Variants in AKAP13 observed in about 807,000 individuals in gnomAD.
AKAP13 encodes the protein A-kinase anchoring protein 13, also known as A-kinase anchor protein 13.
A neutral mutation model predicts 264.5 loss-of-function variants in AKAP13; 80 were observed. The ratio of observed to expected loss-of-function variants is 0.30; its 90% CI spans 0.25 to 0.36. The LOEUF (loss-of-function observed/expected upper bound fraction) is 0.36, where lower values mean the gene tolerates loss of function less well. AKAP13 is among the 10% of genes least tolerant of loss of function. The probability of loss-of-function intolerance (pLI) is 1.00; values close to 1 mark genes in which losing one functional copy is unlikely to be tolerated. For missense variants in AKAP13, 3,712 were observed against 3,435.2 expected, an observed-to-expected ratio of 1.08 and a Z score of -2.01; for synonymous variants, 1,380 against 1,250.2, an observed-to-expected ratio of 1.10 and a Z score of -2.19.
chr15:85,531,458 T>C (rs1350676790), intron 3 of AKAP13, among the ~76,000 whole-genome samples: 2 of 152,132 alleles, frequency 1.3e-5, no homozygotes, highest in African/African-American at 4.8e-5. Flanking sequence ...CAAAACTGAG[T>C]CAGATGTTAG....
intron 1 of AKAP13, among the ~76,000 whole-genome samples, chr15:85,440,489 A>C (rs899094094): frequency 2.0e-5 from 3 of 152,166 alleles, no homozygotes; most frequent in Non-Finnish European, 4.4e-5. Flanking sequence ...GCAAAATCTT[A>C]AACAGGCCGA....
chr15:85,389,220 C>T (rs760023922), intron 1 of AKAP13, among the ~76,000 whole-genome samples: 1 of 152,110 alleles, frequency 6.6e-6, no homozygotes, highest in Non-Finnish European at 1.5e-5. Flanking sequence ...CTTTTTCATA[C>T]AGCTCCCTCC....
intron 2 of AKAP13, among the ~76,000 whole-genome samples, chr15:85,498,197 G>GATATATATATATATATATTAT (rs1491342478): frequency 3.3e-5 from 1 of 30,048 alleles, no homozygotes; most frequent in East Asian, 6.3e-4. Context: ...TAAATGAAGT[G>GATATATATATATATATATTAT]AGATATATAT....
Position 85,522,063 on chromosome 15 carries a change from A to G in AKAP13, c.181+488A>G, listed in dbSNP as rs144890658. Among the ~76,000 whole-genome samples, 93 of 152,244 alleles carry G rather than the reference A, an allele frequency of 6.1e-4. 3 individuals carry two copies. The East Asian group carries it at 0.015, about 25-fold the overall frequency. On this transcript the variant is annotated intron_variant, in intron 3 of 36. Transcript: ENST00000394518. ...AGTCATCTTGTTTCCTGTGATGTAT[A>G]TCATATCAGAAAGGCTTTTCTGGAA...
chr15:85,744,544 CAGA>C, intron 36 of AKAP13, 81 bp from the exon 37 acceptor site: 2 of 1,457,550 alleles, frequency 1.4e-6, no homozygotes, highest in South Asian at 2.3e-5. Context: ...GTTTGCATTA[CAGA>C]AGACTTTGGG....
At chr15:85,598,519 A>G (rs1027542046) in intron 8 of AKAP13, among the ~76,000 whole-genome samples, 1 of 152,192 alleles carries the variant, frequency 6.6e-6, no homozygotes, top group African/African-American at 2.4e-5. Context: ...ACGGTAAATT[A>G]TGCTGTTGGA....
chr15:85,748,113 G>A lies in AKAP13; in HGVS notation c.*3436G>A, dbSNP rs1189442300. 2 of 152,178 alleles carry A rather than the reference G, an allele frequency of 1.3e-5. No individual in the cohort carries two copies. Among genetic ancestry groups the A allele is most frequent in the Non-Finnish European group, 2.9e-5 (2 of 68,050 alleles). The allele number at this position is 152,178 out of a possible 1,614,324, so 9.4% of individuals were successfully genotyped here. A position where few individuals can be genotyped will look rare whatever the true frequency, so the allele number is the denominator to read the frequency against. ...CTATTTCATCATTTTTGTTTCTAGG[G>A]CTCTTTTTCTGTAGCCAGGTCTTCC... is the stretch of plus-strand genomic sequence containing the variant. On this transcript the variant is annotated 3_prime_UTR_variant, in exon 37 of 37. Transcript: ENST00000394518.
intron 1 of AKAP13, among the ~76,000 whole-genome samples, chr15:85,445,073 A>AT (rs1183772094): frequency 1.3e-5 from 2 of 152,178 alleles, no homozygotes; most frequent in African/African-American, 4.8e-5. Context: ...TATTCAGTCA[A>AT]AAAGCCCTTA....
intron 30 of AKAP13, among the ~76,000 whole-genome samples, chr15:85,732,829 C>T (rs1363919360): frequency 2.0e-5 from 3 of 150,920 alleles, no homozygotes; most frequent in Non-Finnish European, 2.9e-5. Context: ...TTACTAATTA[C>T]TATTGCTAAT....
At chr15:85,650,951 A>G (rs1459348723) in intron 10 of AKAP13, among the ~76,000 whole-genome samples, 1 of 151,934 alleles carries the variant, frequency 6.6e-6, no homozygotes, top group African/African-American at 2.4e-5. Flanking sequence ...GTGAGCCATT[A>G]TTTTCCAAGG....
rs553323362 is a variant in AKAP13 at position 85,616,913 on chromosome 15, A to C, written c.4162-22461A>C. ...TCCCACCCAGGGTATTTGTCCTCCA[A>C]CAAGGAACAGAATATGTAAGGAATT... On this transcript the variant is annotated intron_variant, in intron 8 of 36. Coordinates refer to ENST00000394518, the MANE Select transcript of AKAP13 (RefSeq NM_007200.5). Among the ~76,000 whole-genome samples, 12 of 152,346 alleles carry C rather than the reference A, an allele frequency of 7.9e-5. No individual in the cohort carries two copies. In the East Asian group the frequency reaches 2.3e-3, roughly 29 times the overall value.
intron 33 of AKAP13, among the ~76,000 whole-genome samples, chr15:85,739,048 G>A (rs1261947175): frequency 1.3e-5 from 2 of 152,248 alleles, no homozygotes; most frequent in East Asian, 3.9e-4. Context: ...AAAGCATGCT[G>A]TTGCACAGCT....
chr15:85,558,785 A>G (rs2078242002), intron 5 of AKAP13, among the ~76,000 whole-genome samples: 1 of 152,118 alleles, frequency 6.6e-6, no homozygotes, highest in Admixed American at 6.5e-5. Flanking sequence ...GAAGAAATGG[A>G]TGTGCATTCC....
At chr15:85,455,544 G>C (rs910765753) in intron 1 of AKAP13, among the ~76,000 whole-genome samples, 6 of 151,990 alleles carry the variant, frequency 3.9e-5, no homozygotes, top group Non-Finnish European at 8.8e-5. Flanking sequence ...CATTTCTTCA[G>C]TTTGTTCACA....
chr15:85,644,589 CCTGTAATCCCAGCACTT>C (rs536016596), intron 9 of AKAP13, among the ~76,000 whole-genome samples: 1 of 148,922 alleles, frequency 6.7e-6, no homozygotes, highest in East Asian at 2.0e-4. Context: ...GTGGCTCACA[CCTGTAATCCCAGCACTT>C]TGGGAGGCTG....
chr15:85,484,316 C>T (rs2075456969), intron 1 of AKAP13, among the ~76,000 whole-genome samples: 1 of 152,200 alleles, frequency 6.6e-6, no homozygotes, highest in African/African-American at 2.4e-5. Flanking sequence ...TGCTGCCTTT[C>T]TCAAGCTTGG....
intron 1 of AKAP13, among the ~76,000 whole-genome samples, chr15:85,446,013 A>G (rs962492086): frequency 2.0e-5 from 3 of 152,008 alleles, no homozygotes; most frequent in East Asian, 1.9e-4. Flanking sequence ...ACTTTTTTCT[A>G]TTTATTTTGA....
chr15:85,693,782 G>T (rs58805774), intron 17 of AKAP13, among the ~76,000 whole-genome samples: 1,548 of 152,194 alleles, frequency 0.01, 29 homozygotes, highest in African/African-American at 0.033. Flanking sequence ...CACATTTAGT[G>T]CAGTATTCAA....
At chr15:85,512,691 C>T (rs2076471139) in intron 2 of AKAP13, among the ~76,000 whole-genome samples, 1 of 152,178 alleles carries the variant, frequency 6.6e-6, no homozygotes, top group African/African-American at 2.4e-5. Flanking sequence ...AGATACCTTG[C>T]AGTATTTGCA....
Sources: allele counts gnomAD v4.1 joint callset (sites outside exome capture counted in the v4.1 genomes callset), GRCh38; gene constraint gnomAD v4.1.1; transcripts MANE v1.5; gene names NCBI Gene and HGNC (gene_info 2026-07-23, HGNC 2026-07-21).